XBP1: variants seen among roughly 807,000 people sequenced by gnomAD.
The protein encoded by XBP1 is X-box-binding protein 1.
In XBP1, 18 loss-of-function variants were observed where a neutral mutation model predicts 34.6. The ratio of observed to expected loss-of-function variants is 0.52; its 90% CI spans 0.36 to 0.77. The LOEUF is 0.77. Ranked by LOEUF, XBP1 falls within the 30% of genes least tolerant of loss-of-function variation. The probability of loss-of-function intolerance (pLI) is 0.00; values close to 1 mark genes in which losing one functional copy is unlikely to be tolerated. For missense variants in XBP1, 422 were observed against 464.6 expected (o/e 0.91, Z 0.84); for synonymous variants, 191 against 193.4 (o/e 0.99, Z 0.11).
chr22:28,795,173 C>A (rs377603874), downstream of XBP1: 3 of 1,501,082 alleles, frequency 2.0e-6, no homozygotes, highest in African/African-American at 2.8e-5. Context: ...TTGGATCATT[C>A]CTTAGACACT....
chr22:28,795,669 G>A (rs1179342020), exon 6 of XBP1: 12 of 1,589,258 alleles, frequency 7.6e-6, no homozygotes, highest in African/African-American at 1.4e-5. Flanking sequence ...GCAGGCTCTG[G>A]GGAAGGGCAT....
chr22:28,800,162 G>A (rs901110048), intron 1 of XBP1, 136 bp downstream of exon 1: 6 of 1,050,550 alleles, frequency 5.7e-6, no homozygotes, highest in African/African-American at 4.9e-5. Flanking sequence ...CGCCACGCTG[G>A]CACCGACCCG....
chr22:28,800,059 CGA>C (rs1204576713), intron 1 of XBP1: 3 of 770,490 alleles, frequency 3.9e-6, no homozygotes, highest in African/African-American at 1.7e-5. Flanking sequence ...TCATCTCTAA[CGA>C]GAGAGTTAAA....
At chr22:28,796,415 ATT>A in intron 3 of XBP1, 1 of 403,912 alleles carries the variant, frequency 2.5e-6, no homozygotes, top group Non-Finnish European at 4.3e-6. Flanking sequence ...AAAATGTTTC[ATT>A]GTGCAGGAAA....
downstream of XBP1, chr22:28,795,094 A>C: frequency 7.2e-7 from 1 of 1,397,106 alleles, no homozygotes; most frequent in Non-Finnish European, 9.5e-7. Flanking sequence ...TGGCTTTTTG[A>C]ATGAAGTACA....
At chr22:28,800,535 TACGCACC>T, upstream of XBP1, 1 of 1,480,728 alleles carries the variant, frequency 6.8e-7, no homozygotes, top group South Asian at 1.3e-5. Flanking sequence ...AGCTCCAGAC[TACGCACC>T]GCGCACCGCG....
At chr22:28,796,725 T>C (rs142891698) in intron 3 of XBP1, 1 of 181,224 alleles carries the variant, frequency 5.5e-6, no homozygotes, top group East Asian at 1.6e-4. Context: ...ATCAAAGAAC[T>C]ACTTTAATTT....
At chr22:28,795,414 T>G in exon 6 of XBP1, 1 of 1,571,292 alleles carries the variant, frequency 6.4e-7, no homozygotes, top group Non-Finnish European at 8.6e-7. Flanking sequence ...ACTGAGACAA[T>G]GAATTCAGGG....
chr22:28,795,014 C>T, downstream of XBP1: 1 of 577,998 alleles, frequency 1.7e-6, no homozygotes, highest in Non-Finnish European at 2.8e-6. Context: ...TGTCAAAAGA[C>T]AATACCTGGG....
intron 1 of XBP1, chr22:28,800,055 C>CT (rs112927931): frequency 0.087 from 67,419 of 772,954 alleles, 4,823 homozygotes; most frequent in East Asian, 0.29. Flanking sequence ...CTGGTCATCT[C>CT]TAACGAGAGA....
At chr22:28,796,850 T>C in intron 3 of XBP1, 1 of 343,890 alleles carries the variant, frequency 2.9e-6, no homozygotes, top group Non-Finnish European at 5.1e-6. Context: ...GGGAGCCATG[T>C]AACTTGTTTT....
chr22:28,798,070 A>T (rs529279852), intron 2 of XBP1, among the ~76,000 whole-genome samples: 35 of 152,264 alleles, frequency 2.3e-4, no homozygotes, highest in Admixed American at 7.9e-4. Context: ...TAACAGGTGG[A>T]CCCTAGAGGG....
At chr22:28,796,335 CATT>C (rs1569204275) in intron 3 of XBP1, 143 bp from the exon 4 acceptor site, 6 of 696,970 alleles carry the variant, frequency 8.6e-6, no homozygotes, top group Non-Finnish European at 1.3e-5. Context: ...TATCTAACAA[CATT>C]ATTATTATTG....
In XBP1 at chr22:28,797,478, AT is replaced by A. The variant is rs960876193; in HGVS notation, c.325-274del. Among the ~76,000 whole-genome samples, 5 of 150,840 alleles carry A rather than the reference AT, an allele frequency of 3.3e-5. No individual in the cohort carries two copies. In the South Asian group the frequency reaches 6.3e-4, roughly 19 times the overall value. On this transcript the variant is annotated intron_variant, in intron 2 of 5. Coordinates refer to ENST00000344347, the Ensembl canonical transcript of XBP1. ...GACTTGTGGCTTTAATGTAGATATA[AT>A]TTTTTTTTTAAACTATCTTGGCCAG...
intron 5 of XBP1, 83 bp downstream of exon 5, chr22:28,795,964 T>A: frequency 6.4e-7 from 1 of 1,561,836 alleles, no homozygotes; most frequent in Non-Finnish European, 8.8e-7. Flanking sequence ...TCAACCCTCA[T>A]CTGTCTAGTT....
intron 3 of XBP1, chr22:28,796,536 T>A: frequency 5.1e-6 from 1 of 198,008 alleles, no homozygotes; most frequent in Admixed American, 5.3e-5. Flanking sequence ...TCTAGTTTTC[T>A]TGAAATTTGT....
At chr22:28,796,066 A>G in exon 5 of XBP1, 1 of 1,614,222 alleles carries the variant, frequency 6.2e-7, no homozygotes, top group Non-Finnish European at 8.5e-7. Context: ...TGAAGAGTCA[A>G]TACCGCCAGA....
chr22:28,795,735 G>A lies in XBP1; in HGVS notation c.574-3C>T, dbSNP rs1005010433. ...AGAATGCCCAACAGGATATCAGACT[G>A]TAAGAGGCAAAAATTAAATGAAGTA... On this transcript the variant is annotated splice_region_variant and splice_polypyrimidine_tract_variant and intron_variant, in intron 5 of 5. Coordinates refer to ENST00000344347, the Ensembl canonical transcript of XBP1. 6.6e-7 allele frequency: 1 copy of A among 1,525,996 alleles called. No homozygotes were observed. Among genetic ancestry groups the A allele is most frequent in the Non-Finnish European group, 8.8e-7 (1 of 1,140,148 alleles). The allele number at this position is 1,525,996 out of a possible 1,614,324, so 94.5% of individuals were successfully genotyped here. A position where few individuals can be genotyped will look rare whatever the true frequency, so the allele number is the denominator to read the frequency against.
At position 28,797,643 on chromosome 22, in the gene XBP1, G is replaced by A. The variant is rs917492202; in HGVS notation, c.325-438C>T. Among the ~76,000 whole-genome samples, 3 of 151,990 alleles carry A rather than the reference G, an allele frequency of 2.0e-5. No homozygotes were observed. The South Asian group carries it at 6.2e-4, about 32-fold the overall frequency. On this transcript the variant is annotated intron_variant, in intron 2 of 5. Coordinates refer to ENST00000344347, the Ensembl canonical transcript of XBP1. The stretch of plus-strand genomic sequence containing the variant: ...TAAAAAATCCAAAAATTAGCTGGAT[G>A]TGGTGAGGGGTGCCTGTAATCCCAG...
Sources: allele counts gnomAD v4.1 joint callset (sites outside exome capture counted in the v4.1 genomes callset), GRCh38; gene constraint gnomAD v4.1.1; transcripts MANE v1.5; gene names NCBI Gene and HGNC (gene_info 2026-07-23, HGNC 2026-07-21).